EZR: variants seen among roughly 807,000 people sequenced by gnomAD.
EZR encodes the protein cytovillin 2.
EZR carries 40 observed loss-of-function variants against 74.8 expected under a neutral mutation model. The ratio of observed to expected loss-of-function variants is 0.53; its 90% confidence interval spans 0.42 to 0.70. The LOEUF is 0.70. EZR is among the 30% of genes least tolerant of loss of function. The pLI is 0.00. For synonymous variants in EZR, 341 were observed against 283.3 expected, an observed-to-expected ratio of 1.20 and a Z score of -2.05; for missense variants, 678 against 755.8, an observed-to-expected ratio of 0.90 and a Z score of 1.21.
At chr6:158,807,729 A>G (rs1777373864) in intron 2 of EZR, among the ~76,000 whole-genome samples, 3 of 152,102 alleles carry the variant, frequency 2.0e-5, no homozygotes, top group Admixed American at 2.0e-4. Context: ...CCCCCTGACG[A>G]TGTATTAGAC....
intron 2 of EZR, among the ~76,000 whole-genome samples, chr6:158,814,050 T>C (rs1485757669): frequency 6.6e-6 from 1 of 152,130 alleles, no homozygotes; most frequent in Non-Finnish European, 1.5e-5. Flanking sequence ...ACCAATGATC[T>C]GAGCACCAAC....
chr6:158,800,056 T>C (rs1195669147), intron 2 of EZR, among the ~76,000 whole-genome samples: 2 of 152,152 alleles, frequency 1.3e-5, no homozygotes, highest in Non-Finnish European at 2.9e-5. Context: ...TGCCCAAGTT[T>C]TACTCCAGAA....
chr6:158,817,949 C>A, intron 2 of EZR, 133 bp downstream of exon 2: 1 of 792,304 alleles, frequency 1.3e-6, no homozygotes, highest in Non-Finnish European at 1.9e-6. Flanking sequence ...CGAAAACCTC[C>A]TCCTATTCCT....
At position 158,787,085 on chromosome 6, in the gene EZR, G is replaced by A. The variant is rs566910607; in HGVS notation, c.192+23C>T. 4.0e-5 allele frequency: 64 copies of A among 1,593,652 alleles called. 1 individual carries two copies. In the South Asian group the frequency reaches 6.5e-4, roughly 16 times the overall value. On this transcript the variant is annotated intron_variant, in intron 4 of 13. Transcript: ENST00000367075. ...CAGACCAACACCCAATCCACAGCCT[G>A]TAAATAGTTAATCCTGACTTGCCTT...
chr6:158,791,044 A>G (rs756103135), intron 2 of EZR, among the ~76,000 whole-genome samples: 4 of 152,172 alleles, frequency 2.6e-5, no homozygotes, highest in Admixed American at 1.3e-4. Flanking sequence ...AGCACTCACC[A>G]AATGTCACTT....
At chr6:158,807,398 G>A (rs1207536806) in intron 2 of EZR, among the ~76,000 whole-genome samples, 1 of 151,744 alleles carries the variant, frequency 6.6e-6, no homozygotes, top group Non-Finnish European at 1.5e-5. Flanking sequence ...TGAAGTAATG[G>A]TGCAATAGGT....
At chr6:158,812,448 C>T (rs933837634) in intron 2 of EZR, among the ~76,000 whole-genome samples, 3 of 152,182 alleles carry the variant, frequency 2.0e-5, no homozygotes, top group Non-Finnish European at 4.4e-5. Context: ...ATTAGTTCTT[C>T]AAGGGACCCA....
intron 2 of EZR, among the ~76,000 whole-genome samples, chr6:158,806,159 G>A (rs1300795488): frequency 3.9e-5 from 6 of 152,276 alleles, no homozygotes; most frequent in Admixed American, 6.5e-5. Context: ...TGCATGGAGG[G>A]TGAGATGGCC....
chr6:158,768,427 T>C (rs1205050769), intron 12 of EZR, among the ~76,000 whole-genome samples: 2 of 151,998 alleles, frequency 1.3e-5, no homozygotes, highest in African/African-American at 4.8e-5. Flanking sequence ...GCAGCGGGAA[T>C]GGGGGCTGGA....
chr6:158,791,706 ATTTTTTT>A (rs57581855), intron 2 of EZR, among the ~76,000 whole-genome samples: 1 of 96,262 alleles, frequency 1.0e-5, no homozygotes, highest in Non-Finnish European at 2.0e-5. Flanking sequence ...TTCAGACTCC[ATTTTTTT>A]TTTTTTTTTT....
In EZR at chr6:158,785,523, A is replaced by G. The variant is rs1348875822; in HGVS notation, c.253T>C (p.Tyr85His). ...AGCTCCTCAGCCACATCTTCAGGGTAGAACTTGGCCCGGAACTTGAACTGG... is the reference window on the plus strand; with the variant it reads ...AGCTCCTCAGCCACATCTTCAGGGTGGAACTTGGCCCGGAACTTGAACTGG... ...PLQFKFRAKF[Y>H]PEDVAEELIQ... Residue 85 changes from tyrosine to histidine, a missense_variant, in exon 5 of 14, where the codon TAC (tyrosine) becomes CAC (histidine). Tyr to His is a moderately conservative substitution (Grantham distance 83). This residue lies in a region of EZR where 217 missense variants were observed against 232.2 expected (regional missense o/e 0.93). Transcript: ENST00000367075. 6 of 1,614,080 alleles carry G rather than the reference A, an allele frequency of 3.7e-6. No individual in the cohort carries two copies. The highest frequency in any genetic ancestry group is 5.1e-6 in the Non-Finnish European group (6 of 1,180,042).
chr6:158,814,792 C>T lies in EZR; in HGVS notation c.12+3290G>A, dbSNP rs189640310. ...TCTTGACCTTGTGATCCGCCCACCTCGGCCTCCCAAAGTGCTGGGATTACT... is the reference window on the plus strand; with the variant it reads ...TCTTGACCTTGTGATCCGCCCACCTTGGCCTCCCAAAGTGCTGGGATTACT... On this transcript the variant is annotated intron_variant, in intron 2 of 13. Transcript: ENST00000367075. Among the ~76,000 whole-genome samples the T allele has an allele frequency of 4.2e-4, 64 of 152,236 alleles. No individual in the cohort carries two copies. In the East Asian group the frequency reaches 8.1e-3, roughly 19 times the overall value.
At chr6:158,771,686 T>G (rs1454059174) in intron 8 of EZR, among the ~76,000 whole-genome samples, 2 of 152,120 alleles carry the variant, frequency 1.3e-5, no homozygotes, top group African/African-American at 4.8e-5. Context: ...TGCAGTTGTG[T>G]GTGGGTAGGG....
chr6:158,786,096 A>C (rs937594408), intron 4 of EZR, among the ~76,000 whole-genome samples: 1 of 151,650 alleles, frequency 6.6e-6, no homozygotes, highest in Non-Finnish European at 1.5e-5. Flanking sequence ...AAAACAGGCC[A>C]GGCATGGTGG....
Position 158,783,598 on chromosome 6 carries a change from T to C in EZR, c.620A>G (p.Glu207Gly), listed in dbSNP as rs1372409594. 11 of 1,613,894 alleles carry C rather than the reference T, an allele frequency of 6.8e-6. No homozygotes were observed. The highest frequency in any genetic ancestry group is 9.3e-6 in the Non-Finnish European group (11 of 1,179,930). The change falls in exon 7 of 14, where the codon GAG (glutamate) becomes GGG (glycine). Residue 207 changes from glutamate to glycine, a missense_variant. This residue lies in a region of EZR where 119 missense variants were observed against 182.3 expected (regional missense o/e 0.65). Transcript: ENST00000367075. ...DLEMYGINYF[E>G]IKNKKGTDLW... is the part of the protein sequence containing the mutation. ...GTCTGTTCCTTTCTTGTTTTTTATCTCGAAATAGTTGATTCCATACATTTC... is the reference window on the plus strand; with the variant it reads ...GTCTGTTCCTTTCTTGTTTTTTATCCCGAAATAGTTGATTCCATACATTTC...
chr6:158,796,179 T>A (rs139886752), intron 2 of EZR, among the ~76,000 whole-genome samples: 1 of 151,882 alleles, frequency 6.6e-6, no homozygotes, highest in Non-Finnish European at 1.5e-5. Context: ...GCAAGTAGAG[T>A]GTTTTCACGG....
intron 2 of EZR, among the ~76,000 whole-genome samples, chr6:158,813,070 C>CA: frequency 6.6e-6 from 1 of 152,276 alleles, no homozygotes; most frequent in East Asian, 1.9e-4. Context: ...ACCTCCCAGT[C>CA]AAAACCCCAA....
At chr6:158,807,842 CATTTT>C (rs764585552) in intron 2 of EZR, among the ~76,000 whole-genome samples, 17 of 152,146 alleles carry the variant, frequency 1.1e-4, no homozygotes, top group Non-Finnish European at 2.2e-4. Context: ...ACAGAAAGCC[CATTTT>C]ATTTAGTCAG....
chr6:158,791,719 T>TTTTTTTTA, intron 2 of EZR, among the ~76,000 whole-genome samples: 1 of 139,282 alleles, frequency 7.2e-6, no homozygotes, highest in African/African-American at 2.7e-5. Flanking sequence ...TTTTTTTTTT[T>TTTTTTTTA]TTTTTTTGAG....
Sources: gnomAD v4.1 joint callset for allele counts (sites outside exome capture counted in the v4.1 genomes callset) on GRCh38, gnomAD v4.1.1 for gene constraint, gnomAD v4.1.1 regional missense constraint, MANE v1.5 for transcripts, NCBI Gene and HGNC (gene_info 2026-07-23, HGNC 2026-07-21) for gene names.